The following PCDHA2 variants were observed in gnomAD, a reference collection of about 807,000 sequenced individuals.
The protein encoded by PCDHA2 is protocadherin alpha-2.
Under a neutral mutation model 66.0 loss-of-function variants are expected in PCDHA2, and 58 were observed. That is an observed-to-expected ratio of 0.88 (90% CI 0.71 to 1.09). The LOEUF is 1.09. PCDHA2 is among the 50% of genes least tolerant of loss of function. PCDHA2 has a pLI of 0.00. For synonymous variants in PCDHA2, 634 were observed against 554.0 expected (o/e 1.14, Z -2.03); for missense variants, 1,267 against 1,242.3 (o/e 1.02, Z -0.30).
chr5:140,883,847 G>A (rs782603246), intron 1 of PCDHA2: 3 of 1,612,878 alleles, frequency 1.9e-6, no homozygotes, highest in Non-Finnish European at 8.5e-7. Flanking sequence ...GGACCACGAG[G>A]AGCTGGAGCT....
At chr5:140,896,113 T>G (rs10053583) in intron 1 of PCDHA2, among the ~76,000 whole-genome samples, 1 of 152,170 alleles carries the variant, frequency 6.6e-6, no homozygotes, top group East Asian at 1.9e-4. Flanking sequence ...GCCTGGCCAA[T>G]GTACTGCATT....
intron 1 of PCDHA2, chr5:140,816,763 G>A (rs1765984456): frequency 6.6e-6 from 1 of 151,982 alleles, no homozygotes; most frequent in Admixed American, 6.6e-5. Context: ...GGACTTGTGT[G>A]TATAATTCCT....
chr5:140,828,966 A>G (rs1770053880), intron 1 of PCDHA2: 5 of 1,614,098 alleles, frequency 3.1e-6, no homozygotes, highest in African/African-American at 1.3e-5. Context: ...GTTATTGACC[A>G]CTTTAGCATA....
intron 1 of PCDHA2, chr5:140,968,024 A>C: frequency 1.2e-6 from 2 of 1,614,178 alleles, no homozygotes; most frequent in Non-Finnish European, 1.7e-6. Flanking sequence ...AAACTCCTAT[A>C]CACTGGTGGT....
rs1554120143 is a variant in PCDHA2, at chr5:140,796,826, C to T, written c.1862C>T (p.Pro621Leu). The stretch of plus-strand genomic sequence containing the variant: ...CTGGGTACTGGCAGCGCTCGCATCC[C>T]GTTCCGCGTGGGGCTATACACGGGT... ...LQLGTGSARI[P>L]FRVGLYTGEI... The change falls in exon 1 of 4, where the codon CCG becomes CTG. Residue 621 changes from proline (P) to leucine (L), a missense_variant. Transcript: ENST00000526136. 1.9e-6 allele frequency: 3 copies of T among 1,614,116 alleles called. No homozygotes were observed. The highest frequency in any genetic ancestry group is 1.7e-6 in the Non-Finnish European group (2 of 1,179,984).
In PCDHA2 at chr5:140,795,066, C is replaced by A; in HGVS notation, c.102C>A (p.Ser34=). ...WEVGSGQLRY[S]VPEEAKHGTF... ...TGGGGAGCGGCCAGCTCCGCTACTC[C>A]GTCCCCGAGGAGGCCAAACACGGCA... is the stretch of plus-strand genomic sequence containing the variant. The change falls in exon 1 of 4, where the codon TCC becomes TCA. Residue 34 remains serine, a synonymous_variant. Transcript: ENST00000526136. The A allele has an allele frequency of 6.8e-6, 11 of 1,613,948 alleles. No homozygotes were observed. The highest frequency in any genetic ancestry group is 9.3e-6 in the Non-Finnish European group (11 of 1,180,042).
At chr5:140,851,915 T>G (rs1554145604) in intron 1 of PCDHA2, 1 of 967,000 alleles carries the variant, frequency 1.0e-6, no homozygotes, top group Non-Finnish European at 1.2e-6. Context: ...TGTCACTACA[T>G]GTTATGTTTC....
intron 1 of PCDHA2, among the ~76,000 whole-genome samples, chr5:140,797,686 G>A (rs1562168391): frequency 6.6e-6 from 1 of 151,960 alleles, no homozygotes. Context: ...AATCACAATC[G>A]GAAGAAATTA....
chr5:140,909,280 T>C (rs1353122604), intron 1 of PCDHA2, among the ~76,000 whole-genome samples: 3 of 152,212 alleles, frequency 2.0e-5, no homozygotes, highest in African/African-American at 7.2e-5. Flanking sequence ...TTGCTTCTGG[T>C]GGGCCTTATG....
At chr5:140,986,102 C>T (rs782067384) in intron 3 of PCDHA2, among the ~76,000 whole-genome samples, 14 of 152,102 alleles carry the variant, frequency 9.2e-5, no homozygotes, top group Non-Finnish European at 1.5e-5. Flanking sequence ...CTGCAAAAGC[C>T]TAAGATAAAG....
At chr5:140,949,825 C>G (rs1321892793) in intron 1 of PCDHA2, among the ~76,000 whole-genome samples, 2 of 151,748 alleles carry the variant, frequency 1.3e-5, no homozygotes, top group African/African-American at 4.8e-5. Flanking sequence ...TATTTGTCCC[C>G]TCTGATTTTG....
rs782073950 is a variant in PCDHA2, at chr5:140,978,950, C to G, written c.2390C>G (p.Pro797Arg). The G allele has an allele frequency of 1.2e-6, 2 of 1,614,102 alleles. No individual in the cohort carries two copies. The highest frequency in any genetic ancestry group is 1.7e-6 in the Non-Finnish European group (2 of 1,180,022). Reference sequence around the variant, plus strand: ...AAAACTCTCTTTGTGATTTTGCAGCCACGACAGCCCAACCCTGACTGGCGT... The same window carrying G: ...AAAACTCTCTTTGTGATTTTGCAGCGACGACAGCCCAACCCTGACTGGCGT... ...QLSESEYVGK[P>R]RQPNPDWRYS... The change falls in exon 2 of 4, where the codon CCA becomes CGA. Residue 797 changes from proline to arginine, a missense_variant and splice_region_variant. Coordinates refer to ENST00000526136, the MANE Select transcript of PCDHA2 (RefSeq NM_018905.3).
chr5:140,946,631 T>TATATATATATATATATATATATATACAC lies in PCDHA2; in HGVS notation c.2389-32317_2389-32316insTATATATATATATATATATATATACACA, dbSNP rs57893927. 8.3e-4 allele frequency among the ~76,000 whole-genome samples: 109 copies of TATATATATATATATATATATATATACAC among 131,802 alleles called. 1 individual carries two copies. The highest frequency in any genetic ancestry group is 3.6e-3 in the African/African-American group (102 of 28,672). 86.5% of individuals were successfully genotyped at this position (131,802 alleles called of 152,430 possible). A position where few individuals can be genotyped will look rare whatever the true frequency, so the allele number is the denominator to read the frequency against. On this transcript the variant is annotated intron_variant, in intron 1 of 3. Transcript: ENST00000526136. ...TGTGAAATATATATATATATATATA[T>TATATATATATATATATATATATATACAC]ACAATGGAATACTCATCAGCCATTA...
intron 1 of PCDHA2, chr5:140,829,599 C>T: frequency 1.9e-6 from 3 of 1,612,030 alleles, no homozygotes; most frequent in Non-Finnish European, 2.5e-6. Context: ...GGCGAGCGCG[C>T]GTTGTCGAGC....
chr5:140,856,211 C>G (rs374070531), intron 1 of PCDHA2: 1 of 1,598,094 alleles, frequency 6.3e-7, no homozygotes, highest in South Asian at 1.1e-5. Flanking sequence ...GGGGCTGGAG[C>G]TGGCGGAGCT....
At position 140,852,209 on chromosome 5, in the gene PCDHA2, A is replaced by AATTTTTATTTT. The variant is rs1554145712; in HGVS notation, c.2388+54858_2388+54859insTTTTTATTTTA. The AATTTTTATTTT allele has an allele frequency of 1.2e-5, 8 of 650,776 alleles. No homozygotes were observed. The East Asian group carries it at 1.1e-3, about 87-fold the overall frequency. 40.3% of individuals were successfully genotyped at this position (650,776 alleles called of 1,614,324 possible). ...AATGCCAGTAACGTTTATTTAAAAC[A>AATTTTTATTTT]AAATATTTTAATTTTTAAATTTTCC... is the stretch of plus-strand genomic sequence containing the variant. On this transcript the variant is annotated intron_variant, in intron 1 of 3. Coordinates refer to ENST00000526136, the MANE Select transcript of PCDHA2 (RefSeq NM_018905.3).
At chr5:140,836,573 C>A (rs1247544483) in intron 1 of PCDHA2, 4 of 1,613,690 alleles carry the variant, frequency 2.5e-6, no homozygotes, top group South Asian at 2.2e-5. Context: ...CCTCTGAGGG[C>A]GCATGTAGTT....
intron 1 of PCDHA2, chr5:140,828,532 G>T: frequency 6.2e-7 from 1 of 1,614,280 alleles, no homozygotes; most frequent in Non-Finnish European, 8.5e-7. Context: ...AATCTAGGCT[G>T]CCAGATTCTG....
At chr5:140,830,746 G>T in intron 1 of PCDHA2, 1 of 191,342 alleles carries the variant, frequency 5.2e-6, no homozygotes, top group Non-Finnish European at 1.1e-5. Context: ...GTCGTTTTCT[G>T]TTGCATTTTA....
Sources: allele counts gnomAD v4.1 joint callset (sites outside exome capture counted in the v4.1 genomes callset), GRCh38; gene constraint gnomAD v4.1.1; transcripts MANE v1.5; gene names NCBI Gene and HGNC (gene_info 2026-07-23, HGNC 2026-07-21).